Variants in ZNF536 observed in about 807,000 individuals in gnomAD.
ZNF536 encodes the protein zinc finger protein 536.
A neutral mutation model predicts 84.5 loss-of-function variants in ZNF536; 13 were observed. The ratio of observed to expected loss-of-function variants is 0.15; its 90% CI spans 0.10 to 0.24. ZNF536 has a LOEUF of 0.24. Ranked by LOEUF, ZNF536 falls within the 10% of genes least tolerant of loss-of-function variation. The probability of loss-of-function intolerance (pLI) is 1.00; values close to 1 mark genes in which losing one functional copy is unlikely to be tolerated. For synonymous variants in ZNF536, 811 were observed against 742.5 expected (o/e 1.09, Z -1.50); for missense variants, 1,536 against 1,747.5 (o/e 0.88, Z 2.16).
chr19:30,227,421 G>A (rs1317167423), upstream of ZNF536, among the ~76,000 whole-genome samples: 2 of 152,236 alleles, frequency 1.3e-5, no homozygotes, highest in Non-Finnish European at 2.9e-5. Flanking sequence ...GGCCGAGAAA[G>A]AGCAGGGCGG....
rs2146179776 is a variant in ZNF536, at chr19:30,548,053, C to T, written c.2434C>T (p.Leu812=). The change falls in exon 4 of 5, where the codon CTG becomes TTG. Residue 812 remains leucine (L), a synonymous_variant. Coordinates refer to ENST00000355537, the MANE Select transcript of ZNF536 (RefSeq NM_014717.3). ...GGAGCGGCAGAACGGGGCTGGGCCGCTGTCTGGGCAACCCCCAAATCAAGA... is the reference window on the plus strand; with the variant it reads ...GGAGCGGCAGAACGGGGCTGGGCCGTTGTCTGGGCAACCCCCAAATCAAGA... ...HRERQNGAGP[L]SGQPPNQDHK... 2 of 1,614,122 alleles carry T rather than the reference C, an allele frequency of 1.2e-6. No homozygotes were observed. Among genetic ancestry groups the T allele is most frequent in the Non-Finnish European group, 1.7e-6 (2 of 1,180,036 alleles).
upstream of ZNF536, among the ~76,000 whole-genome samples, chr19:30,371,134 T>C (rs756763238): frequency 2.9e-4 from 44 of 152,214 alleles, no homozygotes; most frequent in Non-Finnish European, 5.6e-4. Context: ...TTAAATTATT[T>C]CTAAATACCG....
chr19:30,432,006 T>TATATATATATATAC (rs149223384), intron 1 of ZNF536, among the ~76,000 whole-genome samples: 2,208 of 145,904 alleles, frequency 0.015, 34 homozygotes, highest in African/African-American at 0.029. Flanking sequence ...TATATATATA[T>TATATATATATATAC]ACACACACAC....
intron 1 of ZNF536, among the ~76,000 whole-genome samples, chr19:30,602,219 T>C (rs962755437): frequency 2.6e-5 from 4 of 152,238 alleles, no homozygotes; most frequent in Admixed American, 2.0e-4. Flanking sequence ...CATCTGCTCA[T>C]TGGCTGCCTG....
At chr19:30,512,444 G>T (rs915105148) in intron 2 of ZNF536, among the ~76,000 whole-genome samples, 1 of 152,044 alleles carries the variant, frequency 6.6e-6, no homozygotes, top group African/African-American at 2.4e-5. Flanking sequence ...AACACATTTT[G>T]TGGCTGTTTC....
At position 30,596,033 on chromosome 19, in the gene ZNF536, G is replaced by A. The variant is rs149818267; in HGVS notation, c.169+46519G>A. On this transcript the variant is annotated intron_variant, in intron 1 of 1. Transcript: ENST00000592773. ...GCTCCAAGAGCATCCAAAAGGGTTT[G>A]TTCTTTGCTTTCTGTGACCATGGGC... is the stretch of plus-strand genomic sequence containing the variant. Among the ~76,000 whole-genome samples the A allele has an allele frequency of 4.5e-3, 691 of 152,324 alleles. 3 individuals are homozygous for A. Among genetic ancestry groups the A allele is most frequent in the Non-Finnish European group, 5.1e-3 (348 of 68,030 alleles).
At chr19:30,398,354 G>T (rs1425055031) in intron 1 of ZNF536, among the ~76,000 whole-genome samples, 1 of 150,786 alleles carries the variant, frequency 6.6e-6, no homozygotes, top group East Asian at 1.9e-4. Context: ...GGAACCATAT[G>T]GTATATGACC....
intron 1 of ZNF536, among the ~76,000 whole-genome samples, chr19:30,283,143 A>G (rs1402360003): frequency 6.6e-6 from 1 of 152,254 alleles, no homozygotes; most frequent in East Asian, 1.9e-4. Context: ...CTGAATCCAT[A>G]GCGAAATTCT....
chr19:30,357,149 T>C (rs1021053087), intron 3 of ZNF536, among the ~76,000 whole-genome samples: 1 of 151,862 alleles, frequency 6.6e-6, no homozygotes. Context: ...AGCAGGAGAA[T>C]GGGTGGGGAA....
chr19:30,642,969 C>G (rs1191359686), intron 1 of ZNF536, among the ~76,000 whole-genome samples: 1 of 152,180 alleles, frequency 6.6e-6, no homozygotes, highest in Non-Finnish European at 1.5e-5. Flanking sequence ...TATGTCAACA[C>G]CAAAAGTCAT....
At chr19:30,290,255 C>T (rs1224960497) in intron 2 of ZNF536, among the ~76,000 whole-genome samples, 3 of 152,038 alleles carry the variant, frequency 2.0e-5, no homozygotes, top group Admixed American at 2.0e-4. Context: ...ATGTATATAC[C>T]ACATTTTATT....
intron 2 of ZNF536, among the ~76,000 whole-genome samples, chr19:30,457,464 G>A (rs1327245528): frequency 6.6e-6 from 1 of 152,240 alleles, no homozygotes; most frequent in African/African-American, 2.4e-5. Flanking sequence ...ATCCCAGGCT[G>A]GGAAGGGAGG....
At chr19:30,501,006 A>G (rs1231740909) in intron 2 of ZNF536, among the ~76,000 whole-genome samples, 1 of 152,122 alleles carries the variant, frequency 6.6e-6, no homozygotes, top group Non-Finnish European at 1.5e-5. Context: ...TTGGAGCGAG[A>G]AGGTTTGACC....
At chr19:30,261,454 C>G (rs1230778069) in intron 1 of ZNF536, among the ~76,000 whole-genome samples, 1 of 151,390 alleles carries the variant, frequency 6.6e-6, no homozygotes, top group East Asian at 1.9e-4. Flanking sequence ...TGGCTCAGCT[C>G]TTTGGGAGGC....
chr19:30,245,430 G>A (rs1016063859), intron 1 of ZNF536, among the ~76,000 whole-genome samples: 51 of 152,160 alleles, frequency 3.4e-4, no homozygotes, highest in Admixed American at 7.2e-4. Context: ...CCAGAGCAGC[G>A]ACTTGCAAAT....
At chr19:30,602,203 A>G (rs2047712093) in intron 1 of ZNF536, among the ~76,000 whole-genome samples, 1 of 152,244 alleles carries the variant, frequency 6.6e-6, no homozygotes, top group African/African-American at 2.4e-5. Context: ...TGCTCATGTG[A>G]TGGAACATCT....
intron 2 of ZNF536, among the ~76,000 whole-genome samples, chr19:30,508,820 CTTTTTTTTTTTTT>C (rs914349353): frequency 1.5e-5 from 1 of 68,794 alleles, no homozygotes; most frequent in South Asian, 6.0e-4. Context: ...TTCTTTCTTT[CTTTTTTTTTTTTT>C]TTTTTTTTTT....
chr19:30,291,208 T>C (rs2045829334), intron 2 of ZNF536, among the ~76,000 whole-genome samples: 1 of 152,222 alleles, frequency 6.6e-6, no homozygotes, highest in Non-Finnish European at 1.5e-5. Context: ...TATCCAGTAA[T>C]GGGATTGCTG....
chr19:30,676,691 T>G (rs1046784907), intron 1 of ZNF536, among the ~76,000 whole-genome samples: 23 of 152,272 alleles, frequency 1.5e-4, no homozygotes, highest in African/African-American at 5.1e-4. Flanking sequence ...ATATTAATTT[T>G]TGCTTCAATA....
Sources: gnomAD v4.1 joint callset for allele counts (sites outside exome capture counted in the v4.1 genomes callset) on GRCh38, gnomAD v4.1.1 for gene constraint, MANE v1.5 for transcripts, NCBI Gene and HGNC (gene_info 2026-07-23, HGNC 2026-07-21) for gene names.